CLOCK: variants seen among roughly 807,000 people sequenced by gnomAD.
CLOCK encodes circadian locomoter output cycles protein kaput.
In CLOCK, 43 loss-of-function variants were observed where a neutral mutation model predicts 118.4. That is an observed-to-expected ratio of 0.36 (90% CI 0.28 to 0.47). The LOEUF is 0.47. CLOCK is among the 20% of genes least tolerant of loss of function. CLOCK has a pLI of 1.00. For synonymous variants in CLOCK, 326 were observed against 339.2 expected, an observed-to-expected ratio of 0.96 and a Z score of 0.43; for missense variants, 846 against 999.9, an observed-to-expected ratio of 0.85 and a Z score of 2.08.
chr4:55,499,519 C>A (rs1193882819), intron 2 of CLOCK, among the ~76,000 whole-genome samples: 1 of 152,240 alleles, frequency 6.6e-6, no homozygotes. Context: ...ATCCCTTGCA[C>A]TCGCAGTTCA....
intron 5 of CLOCK, among the ~76,000 whole-genome samples, chr4:55,479,429 T>C (rs1450199746): frequency 6.6e-6 from 1 of 152,172 alleles, no homozygotes; most frequent in East Asian, 1.9e-4. Flanking sequence ...CTAATTCAGT[T>C]TCTGTTTAAG....
intron 1 of CLOCK, among the ~76,000 whole-genome samples, chr4:55,517,141 T>C (rs1363865251): frequency 2.6e-5 from 4 of 152,240 alleles, no homozygotes; most frequent in African/African-American, 9.6e-5. Context: ...CCTGTTAATG[T>C]GGTGGATCAC....
intron 2 of CLOCK, among the ~76,000 whole-genome samples, chr4:55,507,307 C>T (rs73236149): frequency 0.16 from 24,703 of 151,428 alleles, 2,510 homozygotes; most frequent in Non-Finnish European, 0.21. Context: ...GACCGTGTCT[C>T]AAAAAGAAAA....
chr4:55,491,964 TC>T (rs1359786133), intron 2 of CLOCK, among the ~76,000 whole-genome samples: 2 of 152,142 alleles, frequency 1.3e-5, no homozygotes, highest in African/African-American at 2.4e-5. Flanking sequence ...ACTGAAGAAT[TC>T]TACCAAACAC....
intron 1 of CLOCK, among the ~76,000 whole-genome samples, chr4:55,532,488 C>G (rs1046763592): frequency 6.6e-6 from 1 of 151,786 alleles, no homozygotes; most frequent in African/African-American, 2.4e-5. Context: ...AATCAACACA[C>G]AAAAATCAGT....
chr4:55,528,895 TA>T (rs1279577954), intron 1 of CLOCK, among the ~76,000 whole-genome samples: 3 of 152,206 alleles, frequency 2.0e-5, no homozygotes, highest in African/African-American at 4.8e-5. Flanking sequence ...CTCCGAAGCC[TA>T]AAAACAGGTT....
At chr4:55,455,800 AATG>A (rs1724877776) in intron 13 of CLOCK, 94 bp downstream of exon 13, 1 of 902,556 alleles carries the variant, frequency 1.1e-6, no homozygotes, top group Non-Finnish European at 1.8e-6. Context: ...AAAATATGAA[AATG>A]ATTATAAATC....
At chr4:55,489,547 AAAT>A (rs1353083247) in intron 2 of CLOCK, 82 bp from the exon 3 acceptor site, 1 of 152,186 alleles carries the variant, frequency 6.6e-6, no homozygotes, top group Non-Finnish European at 1.5e-5. Flanking sequence ...TAATTTTTAA[AAAT>A]AAAATTTAGA....
chr4:55,479,015 G>C, intron 5 of CLOCK, 52 bp from the exon 6 acceptor site: 1 of 1,409,478 alleles, frequency 7.1e-7, no homozygotes, highest in Non-Finnish European at 9.8e-7. Context: ...AATTACACAA[G>C]TAGTTTAATA....
chr4:55,481,183 T>A (rs1726909054), intron 4 of CLOCK, among the ~76,000 whole-genome samples: 1 of 152,214 alleles, frequency 6.6e-6, no homozygotes, highest in African/African-American at 2.4e-5. Context: ...CTATATGCTA[T>A]AAAATGGAGT....
intron 19 of CLOCK, 25 bp downstream of exon 19, chr4:55,444,608 G>C: frequency 6.2e-7 from 1 of 1,613,674 alleles, no homozygotes; most frequent in Non-Finnish European, 8.5e-7. Flanking sequence ...GGGATGCTTT[G>C]TTTGTATTCA....
intron 21 of CLOCK, chr4:55,442,165 C>T: frequency 4.8e-6 from 2 of 418,334 alleles, no homozygotes; most frequent in South Asian, 2.9e-5. Context: ...TGTCATAAAC[C>T]TTTTCTAACA....
Position 55,470,612 on chromosome 4 carries a change from T to A in CLOCK, c.438+105A>T, listed in dbSNP as rs1163932912. Reference sequence around the variant, plus strand: ...TACTTAGAGCTCTGATTCCTACCCCTTTAACGACTGTTGTACACTGCTCTC... The same window carrying A: ...TACTTAGAGCTCTGATTCCTACCCCATTAACGACTGTTGTACACTGCTCTC... On this transcript the variant is annotated intron_variant, in intron 8 of 22. Transcript: ENST00000513440. 3.9e-6 allele frequency: 3 copies of A among 773,178 alleles called. No individual in the cohort carries two copies. In the East Asian group the frequency reaches 7.6e-5, roughly 19 times the overall value. The allele number at this position is 773,178 out of a possible 1,614,324, so 47.9% of individuals were successfully genotyped here. A position where few individuals can be genotyped will look rare whatever the true frequency, so the allele number is the denominator to read the frequency against.
chr4:55,502,596 T>C (rs1728512581), intron 2 of CLOCK, among the ~76,000 whole-genome samples: 1 of 152,150 alleles, frequency 6.6e-6, no homozygotes, highest in Non-Finnish European at 1.5e-5. Flanking sequence ...AAAACATAGA[T>C]AACATCTTCT....
At position 55,456,259 on chromosome 4, in the gene CLOCK, A is replaced by T; in HGVS notation, c.834T>A (p.Ser278=). ...GAAACTTCCATTCTAAACTATGTCT[A>T]GATGTAAACTCTTCATTGGGTTCTT... is the stretch of plus-strand genomic sequence containing the variant. ...TVEEPNEEFT[S]RHSLEWKFLF... is the part of the protein sequence containing the mutation. The change falls in exon 12 of 23, where the codon TCT becomes TCA. Residue 278 remains serine, a synonymous_variant. Transcript: ENST00000513440. 2 of 1,604,534 alleles carry T rather than the reference A, an allele frequency of 1.2e-6. No individual in the cohort carries two copies. Among genetic ancestry groups the T allele is most frequent in the Non-Finnish European group, 1.7e-6 (2 of 1,172,868 alleles).
intron 8 of CLOCK, among the ~76,000 whole-genome samples, chr4:55,465,233 TATAA>T (rs140280446): frequency 0.065 from 9,952 of 152,258 alleles, 455 homozygotes; most frequent in Middle Eastern, 0.21. Flanking sequence ...TATTAGTTAT[TATAA>T]ATAATCTAGA....
rs1722647064 is a variant in CLOCK at position 55,433,328 on chromosome 4, T to C, written c.*2087A>G. 1 of 152,664 alleles carries C rather than the reference T, an allele frequency of 6.6e-6. No homozygotes were observed. Among genetic ancestry groups the C allele is most frequent in the Non-Finnish European group, 1.5e-5 (1 of 68,044 alleles). 9.5% of individuals were successfully genotyped at this position (152,664 alleles called of 1,614,324 possible). A position where few individuals can be genotyped will look rare whatever the true frequency, so the allele number is the denominator to read the frequency against. On this transcript the variant is annotated 3_prime_UTR_variant, in exon 23 of 23. Transcript: ENST00000513440. ...ACTGATTGATATCTAGTCACACTTCTTTTGTAGAAGGGTAAGTACCAATTT... is the reference window on the plus strand; with the variant it reads ...ACTGATTGATATCTAGTCACACTTCCTTTGTAGAAGGGTAAGTACCAATTT...
intron 1 of CLOCK, among the ~76,000 whole-genome samples, chr4:55,542,377 TAA>T (rs1287977304): frequency 1.8e-3 from 43 of 23,760 alleles, no homozygotes; most frequent in African/African-American, 8.1e-3. Flanking sequence ...ATAATAATAA[TAA>T]TATTATTATT....
chr4:55,452,106 C>T (rs887001516), intron 15 of CLOCK: 5 of 152,106 alleles, frequency 3.3e-5, no homozygotes, highest in Non-Finnish European at 5.9e-5. Flanking sequence ...ATATTCATGC[C>T]CTTGCATAAT....
Sources: allele counts gnomAD v4.1 joint callset (sites outside exome capture counted in the v4.1 genomes callset), GRCh38; gene constraint gnomAD v4.1.1; transcripts MANE v1.5; gene names NCBI Gene and HGNC (gene_info 2026-07-23, HGNC 2026-07-21).